SEC22C: variants seen among roughly 807,000 people sequenced by gnomAD.
The protein encoded by SEC22C is SEC22 homolog C, vesicle trafficking protein.
In SEC22C, 29 loss-of-function variants were observed where a neutral mutation model predicts 34.7. That is an observed-to-expected ratio of 0.84 (90% CI 0.62 to 1.14). The LOEUF (loss-of-function observed/expected upper bound fraction) is 1.14. SEC22C is among the 50% of genes most tolerant of loss of function. The pLI is 0.00. For synonymous variants in SEC22C, 117 were observed against 132.8 expected, an observed-to-expected ratio of 0.88 and a Z score of 0.82; for missense variants, 337 against 369.0, an observed-to-expected ratio of 0.91 and a Z score of 0.71.
At chr3:42,561,406 T>C in intron 3 of SEC22C, 110 bp from the exon 4 acceptor site, 1 of 1,097,608 alleles carries the variant, frequency 9.1e-7, no homozygotes, top group East Asian at 2.5e-5. Flanking sequence ...AGGGTCTCAC[T>C]GTCGCCCACT....
At chr3:42,600,911 GCCCCGCCCTCGCCCCTGCCCTCGC>G (rs1342145994) in intron 1 of SEC22C, 1,755 of 946,294 alleles carry the variant, frequency 1.9e-3, no homozygotes, top group Non-Finnish European at 2.3e-3. Flanking sequence ...CTTCGTCTCA[GCCCCGCCCTCGCCCCTGCCCTCGC>G]CCCCGCCCTC....
intron 1 of SEC22C, among the ~76,000 whole-genome samples, chr3:42,577,552 A>G (rs78661124): frequency 0.036 from 5,521 of 152,304 alleles, 163 homozygotes; most frequent in East Asian, 0.12. Flanking sequence ...TGAGACCCCA[A>G]TGAGATAATA....
chr3:42,600,719 T>A (rs1705297458), intron 1 of SEC22C: 1 of 281,492 alleles, frequency 3.6e-6, no homozygotes, highest in Non-Finnish European at 6.6e-6. Flanking sequence ...GGGGTTTGGC[T>A]GCAGTGGCAG....
At position 42,557,594 on chromosome 3, in the gene SEC22C, G is replaced by T; in HGVS notation, c.629C>A (p.Ala210Glu). Residue 210 changes from alanine to glutamate, a missense_variant, in exon 5 of 7, where the codon GCA becomes GAA. Ala to Glu is a moderately radical substitution (Grantham distance 107). Transcript: ENST00000264454. The stretch of plus-strand genomic sequence containing the variant: ...AAAGGTTACCTGTAAAGAATGTTCT[G>T]CAAGGTGAACTCCTCGAATGAGATT... ...ALNLIRGVHLAEHSLQVAHEE... is the reference protein window; with the variant it reads ...ALNLIRGVHLEEHSLQVAHEE... 1.3e-6 allele frequency: 2 copies of T among 1,561,696 alleles called. No individual in the cohort carries two copies. The highest frequency in any genetic ancestry group is 1.7e-6 in the Non-Finnish European group (2 of 1,143,764).
chr3:42,568,797 T>C, intron 2 of SEC22C, 68 bp downstream of exon 2: 1 of 1,295,958 alleles, frequency 7.7e-7, no homozygotes, highest in Non-Finnish European at 1.1e-6. Context: ...CATAAGATTA[T>C]CACTACATGT....
In SEC22C at chr3:42,591,425, C is replaced by G; in HGVS notation, c.-28+9535G>C. ...GGCCAGGCTAGTCTCGAACTCCTGA[C>G]CTCGTGATCCGCCTAGATCGGCCTC... On this transcript the variant is annotated intron_variant, in intron 1 of 6. Transcript: ENST00000417572. The G allele has an allele frequency of 3.5e-6, 3 of 846,790 alleles. No individual in the cohort carries two copies. The South Asian group carries it at 4.1e-5, about 12-fold the overall frequency. The allele number at this position is 846,790 out of a possible 1,614,324, so 52.5% of individuals were successfully genotyped here.
In SEC22C at chr3:42,553,064, C is replaced by G. The variant is rs1367134936; in HGVS notation, c.*184G>C. On this transcript the variant is annotated 3_prime_UTR_variant, in exon 7 of 7. Transcript: ENST00000264454. ...CCTGCAGTAATGCTTGGCACAGAAC[C>G]AAGGCTGGGTATCAAGCAACCTCAT... The G allele has an allele frequency of 1.8e-5, 26 of 1,431,090 alleles. No individual in the cohort carries two copies. The highest frequency in any genetic ancestry group is 2.0e-5 in the Non-Finnish European group (22 of 1,098,958). 88.6% of individuals were successfully genotyped at this position (1,431,090 alleles called of 1,614,324 possible). A position where few individuals can be genotyped will look rare whatever the true frequency, so the allele number is the denominator to read the frequency against.
intron 1 of SEC22C, among the ~76,000 whole-genome samples, chr3:42,578,583 A>G (rs1401222022): frequency 1.3e-5 from 2 of 151,956 alleles, no homozygotes; most frequent in East Asian, 1.9e-4. Flanking sequence ...TTATACCAAC[A>G]TCAATTTCCT....
At chr3:42,599,400 G>T (rs1007397355) in intron 1 of SEC22C, among the ~76,000 whole-genome samples, 1 of 151,648 alleles carries the variant, frequency 6.6e-6, no homozygotes, top group Admixed American at 6.6e-5. Flanking sequence ...CAATGTATAA[G>T]AGTCTTTTCA....
At position 42,562,695 on chromosome 3, in the gene SEC22C, T is replaced by C. The variant is rs1702997195; in HGVS notation, c.346+828A>G. Reference sequence around the variant, plus strand: ...AGCTGTTTACACGGAGAGCACAGACTGTCCCCCAACTGCCATCTCCATTCC... The same window carrying C: ...AGCTGTTTACACGGAGAGCACAGACCGTCCCCCAACTGCCATCTCCATTCC... On this transcript the variant is annotated intron_variant, in intron 3 of 6. Coordinates refer to ENST00000264454, the MANE Select transcript of SEC22C (RefSeq NM_032970.4). Among the ~76,000 whole-genome samples the C allele has an allele frequency of 2.0e-5, 3 of 152,220 alleles. No homozygotes were observed. The South Asian group carries it at 6.2e-4, about 32-fold the overall frequency.
chr3:42,586,383 T>C (rs1704608748), upstream of SEC22C, among the ~76,000 whole-genome samples: 1 of 152,048 alleles, frequency 6.6e-6, no homozygotes, highest in African/African-American at 2.4e-5. Flanking sequence ...CCACCATGCC[T>C]GGCTAATTTT....
At chr3:42,566,839 A>G in intron 2 of SEC22C, 1 of 430,746 alleles carries the variant, frequency 2.3e-6, no homozygotes, top group Middle Eastern at 3.4e-4. Context: ...CCTTGTCTCT[A>G]AAAAATAAAA....
At chr3:42,571,890 G>A (rs973356230) in intron 1 of SEC22C, among the ~76,000 whole-genome samples, 5 of 152,126 alleles carry the variant, frequency 3.3e-5, no homozygotes, top group South Asian at 2.1e-4. Flanking sequence ...AAAATTAGCC[G>A]GGCGTGGTGG....
chr3:42,591,694 G>A (rs766029362), intron 1 of SEC22C: 15 of 911,804 alleles, frequency 1.6e-5, no homozygotes, highest in Admixed American at 3.8e-5. Flanking sequence ...TTGGGTGATT[G>A]ATCGCAGTTA....
At chr3:42,555,829 G>T in intron 6 of SEC22C, 101 bp downstream of exon 6, 4 of 961,494 alleles carry the variant, frequency 4.2e-6, no homozygotes, top group Non-Finnish European at 6.6e-6. Context: ...CCATGACCTT[G>T]GTGGAACAAA....
Position 42,548,459 on chromosome 3 carries a change from G to T in SEC22C, c.*4789C>A. On this transcript the variant is annotated 3_prime_UTR_variant, in exon 7 of 7. Transcript: ENST00000264454. ...ACAGCTCTGCCATCAATACACATGG[G>T]CAGATGTTTCCGAATCCAGCCATTC... 1.3e-6 allele frequency: 1 copy of T among 784,224 alleles called. No homozygotes were observed. Among genetic ancestry groups the T allele is most frequent in the Non-Finnish European group, 2.1e-6 (1 of 472,760 alleles). The allele number at this position is 784,224 out of a possible 1,614,324, so 48.6% of individuals were successfully genotyped here. A position where few individuals can be genotyped will look rare whatever the true frequency, so the allele number is the denominator to read the frequency against.
upstream of SEC22C, among the ~76,000 whole-genome samples, chr3:42,586,850 C>T (rs889249645): frequency 1.3e-5 from 2 of 152,176 alleles, no homozygotes; most frequent in Non-Finnish European, 2.9e-5. Context: ...TTTGACATCA[C>T]CTCACACTGT....
upstream of SEC22C, among the ~76,000 whole-genome samples, chr3:42,585,868 GCT>G (rs1337724294): frequency 6.6e-6 from 1 of 152,080 alleles, no homozygotes; most frequent in Admixed American, 6.5e-5. Context: ...TGCCAAGGCA[GCT>G]CTCTCTCCAG....
intron 1 of SEC22C, among the ~76,000 whole-genome samples, chr3:42,596,084 C>T (rs983376380): frequency 6.6e-6 from 1 of 151,456 alleles, no homozygotes; most frequent in East Asian, 1.9e-4. Context: ...TGCAGTGGTG[C>T]AATTTTGGCT....
Sources: allele counts gnomAD v4.1 joint callset (sites outside exome capture counted in the v4.1 genomes callset), GRCh38; gene constraint gnomAD v4.1.1; transcripts MANE v1.5; gene names NCBI Gene and HGNC (gene_info 2026-07-23, HGNC 2026-07-21).